BICD1: variants seen among roughly 807,000 people sequenced by gnomAD.
BICD1 encodes the protein BICD cargo adaptor 1.
BICD1 carries 35 observed loss-of-function variants against 92.5 expected under a neutral mutation model. That is an observed-to-expected ratio of 0.38 (90% CI 0.29 to 0.50). The LOEUF is 0.50. Ranked by LOEUF, BICD1 falls within the 20% of genes least tolerant of loss-of-function variation. BICD1 has a pLI of 0.93. For missense variants in BICD1, 950 were observed against 1,189.8 expected, an observed-to-expected ratio of 0.80 and a Z score of 2.97; for synonymous variants, 429 against 465.1, an observed-to-expected ratio of 0.92 and a Z score of 1.00.
intron 2 of BICD1, among the ~76,000 whole-genome samples, chr12:32,282,352 C>G (rs1381717633): frequency 2.0e-5 from 3 of 151,766 alleles, no homozygotes; most frequent in Non-Finnish European, 2.9e-5. Context: ...TCCCGAGTAG[C>G]TGGAACTATA....
At chr12:32,298,574 A>AAAAG (rs1358189244) in intron 3 of BICD1, among the ~76,000 whole-genome samples, 1 of 146,164 alleles carries the variant, frequency 6.8e-6, no homozygotes, top group Non-Finnish European at 1.5e-5. Flanking sequence ...CACCTCAAAA[A>AAAAG]AAAAAAAAAA....
intron 1 of BICD1, among the ~76,000 whole-genome samples, chr12:32,112,917 CTAAT>C (rs1941752369): frequency 6.6e-6 from 1 of 152,196 alleles, no homozygotes; most frequent in Non-Finnish European, 1.5e-5. Flanking sequence ...AGCCTCACCT[CTAAT>C]TCATGCAGCA....
intron 1 of BICD1, among the ~76,000 whole-genome samples, chr12:32,176,512 G>A (rs892498897): frequency 3.3e-5 from 5 of 152,130 alleles, no homozygotes; most frequent in Admixed American, 1.3e-4. Context: ...CAACCACTGC[G>A]TCAATCAAGA....
At position 32,262,068 on chromosome 12, in the gene BICD1, A is replaced by G. The variant is rs572121308; in HGVS notation, c.427-31926A>G. On this transcript the variant is annotated intron_variant, in intron 2 of 9. Transcript: ENST00000652176. ...ACCCCATTTTAAGTCGTGGGTTTAT[A>G]TAACAAGGTTATTTATGCTTGTTAT... Among the ~76,000 whole-genome samples, 63 of 152,338 alleles carry G rather than the reference A, an allele frequency of 4.1e-4. No homozygotes were observed. In the South Asian group the frequency reaches 0.012, roughly 29 times the overall value.
rs1185129605 is a variant in BICD1, at chr12:32,149,165, T to C, written c.213+41621T>C. Among the ~76,000 whole-genome samples the C allele has an allele frequency of 2.0e-5, 3 of 152,222 alleles. No individual in the cohort carries two copies. The South Asian group carries it at 6.2e-4, about 31-fold the overall frequency. ...GCTGAACTGCATGGGATAGGCCATT[T>C]CCATACAATCTCATCCTCTGAATAA... On this transcript the variant is annotated intron_variant, in intron 1 of 9. Transcript: ENST00000652176.
intron 9 of BICD1, among the ~76,000 whole-genome samples, chr12:32,369,071 G>A (rs1442389098): frequency 6.6e-6 from 1 of 152,258 alleles, no homozygotes; most frequent in African/African-American, 2.4e-5. Flanking sequence ...TGCTGTGACA[G>A]TGACCTTTAT....
intron 1 of BICD1, among the ~76,000 whole-genome samples, chr12:32,191,404 T>C (rs2121530514): frequency 6.6e-6 from 1 of 151,990 alleles, no homozygotes; most frequent in South Asian, 2.1e-4. Flanking sequence ...TATTGCACTT[T>C]ATTGTACTTT....
intron 4 of BICD1, among the ~76,000 whole-genome samples, chr12:32,314,245 GT>G (rs1348806399): frequency 2.0e-5 from 3 of 152,168 alleles, no homozygotes; most frequent in Non-Finnish European, 4.4e-5. Context: ...TTGTGTACAA[GT>G]TTTCGTGTGC....
chr12:32,304,371 C>T (rs533187350), intron 3 of BICD1, among the ~76,000 whole-genome samples: 47 of 152,270 alleles, frequency 3.1e-4, no homozygotes, highest in African/African-American at 1.1e-3. Context: ...CATCTAATAT[C>T]ATGATGACTT....
intron 2 of BICD1, chr12:32,228,015 C>T (rs12579433): frequency 0.09 from 21,998 of 243,270 alleles, 1,264 homozygotes; most frequent in East Asian, 0.23. Context: ...GTAGACGATG[C>T]CTTTCTTGGT....
rs1940115285 is a variant in BICD1 at position 32,379,626 on chromosome 12, T to A, written c.*1999T>A. The A allele has an allele frequency of 6.6e-6, 1 of 152,202 alleles. No homozygotes were observed. The highest frequency in any genetic ancestry group is 1.5e-5 in the Non-Finnish European group (1 of 68,050). 9.4% of individuals were successfully genotyped at this position (152,202 alleles called of 1,614,324 possible). A position where few individuals can be genotyped will look rare whatever the true frequency, so the allele number is the denominator to read the frequency against. ...GACTGTGGATTTTATCAGAGTTCAA[T>A]GAAAGAAAGCTTACCCCTGCCCTCA... is the stretch of plus-strand genomic sequence containing the variant. On this transcript the variant is annotated 3_prime_UTR_variant, in exon 10 of 10. Coordinates refer to ENST00000652176, the MANE Select transcript of BICD1 (RefSeq NM_001714.4).
At chr12:32,294,620 TAAAAAAAAAAA>T (rs60052535) in intron 3 of BICD1, among the ~76,000 whole-genome samples, 13 of 65,640 alleles carry the variant, frequency 2.0e-4, no homozygotes, top group African/African-American at 7.8e-4. Context: ...GACTCCGTCT[TAAAAAAAAAAA>T]AAAAAAAAAA....
chr12:32,195,821 A>G (rs1335457848), intron 1 of BICD1, among the ~76,000 whole-genome samples: 1 of 152,220 alleles, frequency 6.6e-6, no homozygotes, highest in African/African-American at 2.4e-5. Flanking sequence ...CAAAGGAAAC[A>G]ATCAACAAAA....
chr12:32,195,927 A>T (rs1228680824), intron 1 of BICD1, among the ~76,000 whole-genome samples: 1 of 152,254 alleles, frequency 6.6e-6, no homozygotes, highest in Non-Finnish European at 1.5e-5. Flanking sequence ...CACATAAAGG[A>T]TTTCACATAA....
Position 32,107,499 on chromosome 12 carries a change from G to C in BICD1, c.168G>C (p.Glu56Asp). The C allele has an allele frequency of 6.2e-7, 1 of 1,606,544 alleles. No individual in the cohort carries two copies. The highest frequency in any genetic ancestry group is 8.5e-7 in the Non-Finnish European group (1 of 1,176,886). ...TCAAACAGCAGTATGATGAACTGGA[G>C]GCTGAGTACGACAGCCTCAAACAGG... is the stretch of plus-strand genomic sequence containing the variant. Reference protein sequence around the residue: ...LTLKQQYDELEAEYDSLKQEL... With the variant: ...LTLKQQYDELDAEYDSLKQEL... The change falls in exon 1 of 10, where the codon GAG (glutamate) becomes GAC (aspartate). Residue 56 changes from glutamate to aspartate, a missense_variant. By Grantham distance (45) the Glu-to-Asp change is conservative (BLOSUM62 2). Coordinates refer to ENST00000652176, the MANE Select transcript of BICD1 (RefSeq NM_001714.4).
At chr12:32,206,771 A>C (rs1945069798) in intron 1 of BICD1, among the ~76,000 whole-genome samples, 1 of 152,190 alleles carries the variant, frequency 6.6e-6, no homozygotes, top group African/African-American at 2.4e-5. Context: ...TATTAATATG[A>C]AGTATATATC....
intron 4 of BICD1, among the ~76,000 whole-genome samples, chr12:32,318,290 A>C (rs1348346566): frequency 1.3e-5 from 2 of 152,110 alleles, no homozygotes; most frequent in African/African-American, 2.4e-5. Context: ...TGAATCTATA[A>C]ATTACCTTGG....
At chr12:32,178,495 A>G (rs1944183347) in intron 1 of BICD1, among the ~76,000 whole-genome samples, 1 of 151,984 alleles carries the variant, frequency 6.6e-6, no homozygotes, top group Admixed American at 6.6e-5. Flanking sequence ...GTTCTAAGCT[A>G]CAGTTTCAGG....
intron 1 of BICD1, among the ~76,000 whole-genome samples, chr12:32,200,134 T>A (rs1944864859): frequency 6.6e-6 from 1 of 152,238 alleles, no homozygotes; most frequent in African/African-American, 2.4e-5. Flanking sequence ...ATGGCAAAAG[T>A]ACCTATCTCT....
Sources: gnomAD v4.1 joint callset for allele counts (sites outside exome capture counted in the v4.1 genomes callset) on GRCh38, gnomAD v4.1.1 for gene constraint, MANE v1.5 for transcripts, NCBI Gene and HGNC (gene_info 2026-07-23, HGNC 2026-07-21) for gene names.